GFRA1: variants seen among roughly 807,000 people sequenced by gnomAD.
The protein encoded by GFRA1 is GDNF family receptor alpha-1.
Under a neutral mutation model 51.6 loss-of-function variants are expected in GFRA1, and 16 were observed. The observed-to-expected ratio is 0.31, with a 90% CI of 0.21 to 0.47. The LOEUF is 0.47. Ranked by LOEUF, GFRA1 falls within the 20% of genes least tolerant of loss-of-function variation. The pLI is 1.00. For synonymous variants in GFRA1, 270 were observed against 241.3 expected, an observed-to-expected ratio of 1.12 and a Z score of -1.10; for missense variants, 530 against 594.3, an observed-to-expected ratio of 0.89 and a Z score of 1.13.
rs927957268 is a variant in GFRA1, at chr10:116,066,495, T to C, written c.1198-869A>G. ...CCCTCCACTGGGCTTCTACTGATAA[T>C]TTCATTATAGGAAAGGTCCCATTGC... On this transcript the variant is annotated intron_variant, in intron 9 of 10. Transcript: ENST00000355422. Among the ~76,000 whole-genome samples, 6 of 152,170 alleles carry C rather than the reference T, an allele frequency of 3.9e-5. No individual in the cohort carries two copies. In the South Asian group the frequency reaches 1.2e-3, roughly 31 times the overall value.
intron 6 of GFRA1, among the ~76,000 whole-genome samples, chr10:116,110,318 G>C (rs1402952689): frequency 6.6e-6 from 1 of 152,088 alleles, no homozygotes; most frequent in Non-Finnish European, 1.5e-5. Context: ...CACTGCCTGT[G>C]GAGGAGGTGC....
At chr10:116,185,291 G>T (rs1319204225) in intron 5 of GFRA1, among the ~76,000 whole-genome samples, 1 of 151,974 alleles carries the variant, frequency 6.6e-6, no homozygotes, top group Admixed American at 6.6e-5. Context: ...AAATCTCCAG[G>T]CTTTGGAGGA....
chr10:116,121,023 A>G (rs1423332643), intron 6 of GFRA1, among the ~76,000 whole-genome samples: 1 of 152,168 alleles, frequency 6.6e-6, no homozygotes, highest in African/African-American at 2.4e-5. Context: ...CGATGGAAAC[A>G]TGAGGGAGCA....
rs7083809 is a variant in GFRA1, at chr10:116,062,191, T to C, written c.*2207A>G. On this transcript the variant is annotated 3_prime_UTR_variant, in exon 11 of 11. Transcript: ENST00000355422. Reference sequence around the variant, plus strand: ...TTACTGCAGAAGTAATCAGTAGCTTTCTACAGTGGATCACATAGAATCAGA... The same window carrying C: ...TTACTGCAGAAGTAATCAGTAGCTTCCTACAGTGGATCACATAGAATCAGA... The C allele has an allele frequency of 6.3e-4, 250 of 398,490 alleles. 1 individual carries two copies. Among genetic ancestry groups the C allele is most frequent in the African/African-American group, 4.9e-3 (237 of 48,754 alleles). The allele number at this position is 398,490 out of a possible 1,614,324, so 24.7% of individuals were successfully genotyped here. A position where few individuals can be genotyped will look rare whatever the true frequency, so the allele number is the denominator to read the frequency against.
At chr10:116,271,245 G>A (rs1487701871) in intron 2 of GFRA1, 130 bp from the exon 3 acceptor site, 2 of 682,660 alleles carry the variant, frequency 2.9e-6, no homozygotes, top group Non-Finnish European at 4.9e-6. Flanking sequence ...TCTGGGAGCG[G>A]GTCCACCTCT....
At chr10:116,220,512 C>T (rs4751957) in intron 4 of GFRA1, among the ~76,000 whole-genome samples, 149,504 of 152,328 alleles carry the variant, frequency 0.98, 73,424 homozygotes, top group East Asian at 1. Flanking sequence ...TGGACAACTT[C>T]AAAGTAAACA....
intron 2 of GFRA1, among the ~76,000 whole-genome samples, chr10:116,271,459 G>T (rs1488734284): frequency 6.6e-6 from 1 of 152,060 alleles, no homozygotes; most frequent in Non-Finnish European, 1.5e-5. Flanking sequence ...GGCCACCCCC[G>T]GCTCCAGCCA....
chr10:116,133,358 CT>C, intron 5 of GFRA1, among the ~76,000 whole-genome samples: 1 of 152,236 alleles, frequency 6.6e-6, no homozygotes, highest in South Asian at 2.1e-4. Flanking sequence ...TGACTTGTTT[CT>C]TGTTTTCTTG....
At chr10:116,232,756 T>C (rs1461785430) in intron 4 of GFRA1, among the ~76,000 whole-genome samples, 1 of 152,200 alleles carries the variant, frequency 6.6e-6, no homozygotes, top group Non-Finnish European at 1.5e-5. Context: ...TAACCTCCAA[T>C]TCCAGGGCTC....
intron 5 of GFRA1, among the ~76,000 whole-genome samples, chr10:116,140,365 A>G (rs1335153500): frequency 6.6e-6 from 1 of 152,222 alleles, no homozygotes; most frequent in African/African-American, 2.4e-5. Context: ...CTAGTTTAAC[A>G]GAAAGGAAAT....
chr10:116,231,431 C>A (rs1307455346), intron 4 of GFRA1, among the ~76,000 whole-genome samples: 1 of 152,126 alleles, frequency 6.6e-6, no homozygotes, highest in Non-Finnish European at 1.5e-5. Context: ...AATTTATACA[C>A]AAGACAGAAA....
At chr10:116,184,094 T>A (rs1404172195) in intron 5 of GFRA1, among the ~76,000 whole-genome samples, 2 of 152,230 alleles carry the variant, frequency 1.3e-5, no homozygotes, top group South Asian at 2.1e-4. Flanking sequence ...GGATGTCTTC[T>A]AAGAAAGTCA....
intron 4 of GFRA1, among the ~76,000 whole-genome samples, chr10:116,214,200 A>G (rs1050087105): frequency 1.3e-5 from 2 of 152,154 alleles, no homozygotes; most frequent in African/African-American, 4.8e-5. Context: ...CAGCCTTCAA[A>G]TGTCACAGCC....
At chr10:116,204,964 C>A (rs1461950833) in intron 5 of GFRA1, among the ~76,000 whole-genome samples, 1 of 152,144 alleles carries the variant, frequency 6.6e-6, no homozygotes, top group African/African-American at 2.4e-5. Flanking sequence ...ACTTGACACA[C>A]ACTATTTCAG....
rs533656942 is a variant in GFRA1, at chr10:116,271,137, G to T, written c.41-22C>A. 18 of 1,584,250 alleles carry T rather than the reference G, an allele frequency of 1.1e-5. No individual in the cohort carries two copies. In the African/African-American group the frequency reaches 2.2e-4, roughly 19 times the overall value. On this transcript the variant is annotated intron_variant, in intron 2 of 10. Transcript: ENST00000355422. ...AAGTCTGCGGGGCAGAGGGGAGGGA[G>T]CCTGAGTGCGGCGGGCGGGGACCCC...
intron 9 of GFRA1, among the ~76,000 whole-genome samples, chr10:116,081,522 A>G (rs1377967661): frequency 1.3e-5 from 2 of 152,140 alleles, no homozygotes; most frequent in East Asian, 1.9e-4. Flanking sequence ...AGGGAGGAAC[A>G]CTGCTTTGCC....
At chr10:116,225,868 C>T (rs192714193) in intron 4 of GFRA1, among the ~76,000 whole-genome samples, 1 of 152,254 alleles carries the variant, frequency 6.6e-6, no homozygotes, top group African/African-American at 2.4e-5. Context: ...GGATTACAGG[C>T]GTGAGTCACT....
chr10:116,233,629 C>A (rs2134581982), intron 4 of GFRA1, among the ~76,000 whole-genome samples: 1 of 152,302 alleles, frequency 6.6e-6, no homozygotes, highest in East Asian at 1.9e-4. Flanking sequence ...GCAGAGCCTG[C>A]CTACTTCCCT....
chr10:116,085,426 C>T (rs1179227399), intron 9 of GFRA1, among the ~76,000 whole-genome samples: 1 of 152,184 alleles, frequency 6.6e-6, no homozygotes, highest in Non-Finnish European at 1.5e-5. Flanking sequence ...GAATCTGTTA[C>T]CAATGGATCC....
Sources: allele counts gnomAD v4.1 joint callset (sites outside exome capture counted in the v4.1 genomes callset), GRCh38; gene constraint gnomAD v4.1.1; transcripts MANE v1.5; gene names NCBI Gene and HGNC (gene_info 2026-07-23, HGNC 2026-07-21).